Variants in PSMG2 observed in about 807,000 individuals in gnomAD.
PSMG2 encodes CD40 ligand-activated specific transcript 3.
A neutral mutation model predicts 31.5 loss-of-function variants in PSMG2; 21 were observed. The observed-to-expected ratio is 0.67, with a 90% CI of 0.47 to 0.96. The LOEUF is 0.96. Ranked by LOEUF, PSMG2 falls within the 40% of genes least tolerant of loss-of-function variation. The pLI is 0.00. For missense variants in PSMG2, 318 were observed against 321.2 expected, an observed-to-expected ratio of 0.99 and a Z score of 0.08; for synonymous variants, 120 against 110.4, an observed-to-expected ratio of 1.09 and a Z score of -0.54.
At chr18:12,695,887 A>ACACACACAC (rs1568030597) in intron 1 of PSMG2, among the ~76,000 whole-genome samples, 15 of 132,724 alleles carry the variant, frequency 1.1e-4, no homozygotes, top group African/African-American at 4.3e-4. Flanking sequence ...CACACACACT[A>ACACACACAC]AAAATTAGAA....
chr18:12,678,727 A>AG (rs1426138874), intron 1 of PSMG2, among the ~76,000 whole-genome samples: 1 of 149,374 alleles, frequency 6.7e-6, no homozygotes, highest in East Asian at 1.9e-4. Flanking sequence ...AGGCCGAGGC[A>AG]GGGGGATCAC....
intron 1 of PSMG2, chr18:12,691,619 C>A: frequency 1.7e-6 from 1 of 585,672 alleles, no homozygotes; most frequent in East Asian, 3.0e-5. Context: ...CTATAAGAGC[C>A]TCCTGACTTC....
chr18:12,678,588 A>G, intron 1 of PSMG2: 2 of 588,702 alleles, frequency 3.4e-6, no homozygotes, highest in Non-Finnish European at 5.8e-6. Flanking sequence ...TATTTCCACA[A>G]TTTGATTACT....
At chr18:12,680,941 G>T in intron 1 of PSMG2, 1 of 987,622 alleles carries the variant, frequency 1.0e-6, no homozygotes, top group Non-Finnish European at 1.4e-6. Flanking sequence ...GCTCACGCCT[G>T]TAATCCCAAC....
chr18:12,697,494 A>T, intron 1 of PSMG2: 1 of 923,222 alleles, frequency 1.1e-6, no homozygotes, highest in Non-Finnish European at 1.6e-6. Flanking sequence ...AACAGTAAAT[A>T]ATAAGCTTAT....
At chr18:12,705,388 G>A (rs2040254386) in intron 1 of PSMG2, among the ~76,000 whole-genome samples, 1 of 151,978 alleles carries the variant, frequency 6.6e-6, no homozygotes, top group South Asian at 2.1e-4. Flanking sequence ...ACAAAATATG[G>A]GGAAAAATTT....
In PSMG2 at chr18:12,664,242, A is replaced by AT. The variant is rs760485189; in HGVS notation, c.-37+5475dup. On this transcript the variant is annotated intron_variant, in intron 1 of 6. Coordinates refer to the PSMG2 transcript ENST00000585331. ...AGGGATGTGCCACCACACCCCGCTA[A>AT]TTTTTTAAAACTTTTTGTAGGCCGG... 4.5e-4 allele frequency among the ~76,000 whole-genome samples: 68 copies of AT among 152,142 alleles called. 1 individual carries two copies. Among genetic ancestry groups the AT allele is most frequent in the Non-Finnish European group, 4.9e-4 (33 of 67,998 alleles).
chr18:12,692,571 AC>A (rs377706413), intron 1 of PSMG2, among the ~76,000 whole-genome samples: 10 of 152,124 alleles, frequency 6.6e-5, no homozygotes, highest in African/African-American at 2.4e-4. Flanking sequence ...CTCTTTCCCT[AC>A]CTTAGTCACT....
At chr18:12,667,218 T>C (rs1294009950) in intron 1 of PSMG2, among the ~76,000 whole-genome samples, 1 of 152,222 alleles carries the variant, frequency 6.6e-6, no homozygotes, top group Non-Finnish European at 1.5e-5. Context: ...CCCAACACTT[T>C]GGGAGGCTGA....
chr18:12,677,532 C>T (rs1044915561), intron 1 of PSMG2, among the ~76,000 whole-genome samples: 1 of 148,774 alleles, frequency 6.7e-6, no homozygotes, highest in Non-Finnish European at 1.5e-5. Context: ...TAAAGCCAGA[C>T]GTCTACCCAG....
chr18:12,686,464 G>A (rs7239380), intron 1 of PSMG2: 1 of 1,572,212 alleles, frequency 6.4e-7, no homozygotes, highest in South Asian at 1.1e-5. Flanking sequence ...GGGAAAAGGG[G>A]AAAAACATCT....
chr18:12,693,439 T>A (rs2039837739), intron 1 of PSMG2, among the ~76,000 whole-genome samples: 1 of 150,942 alleles, frequency 6.6e-6, no homozygotes, highest in Non-Finnish European at 1.5e-5. Flanking sequence ...AAAATTTAAT[T>A]AAAAAAAACA....
intron 1 of PSMG2, among the ~76,000 whole-genome samples, chr18:12,668,597 CAAAAAAAAAAAAA>C (rs752216074): frequency 7.8e-4 from 57 of 72,826 alleles, no homozygotes; most frequent in East Asian, 2.7e-3. Context: ...GATTCCATCT[CAAAAAAAAAAAAA>C]AAAAAAAAAA....
intron 1 of PSMG2, chr18:12,680,715 C>T: frequency 6.2e-7 from 1 of 1,613,614 alleles, no homozygotes; most frequent in Non-Finnish European, 8.5e-7. Flanking sequence ...TTCCACAAGT[C>T]ATAACCCATG....
At chr18:12,719,715 C>CTT (rs535226724) in intron 4 of PSMG2, among the ~76,000 whole-genome samples, 4 of 110,836 alleles carry the variant, frequency 3.6e-5, no homozygotes, top group African/African-American at 1.0e-4. Context: ...TTTTTTTCCT[C>CTT]TTTTTTTTTT....
At chr18:12,719,822 C>T (rs934750701) in intron 4 of PSMG2, among the ~76,000 whole-genome samples, 1 of 145,088 alleles carries the variant, frequency 6.9e-6, no homozygotes, top group Admixed American at 7.0e-5. Context: ...CTCCTGGGTT[C>T]AAGCGGTTCT....
intron 1 of PSMG2, among the ~76,000 whole-genome samples, chr18:12,677,333 G>A (rs1447636789): frequency 1.3e-5 from 2 of 151,950 alleles, no homozygotes; most frequent in African/African-American, 2.4e-5. Context: ...AGTTATTCAG[G>A]AGGCTGAGGC....
At chr18:12,710,335 G>A (rs2040316887) in intron 2 of PSMG2, among the ~76,000 whole-genome samples, 1 of 152,188 alleles carries the variant, frequency 6.6e-6, no homozygotes, top group African/African-American at 2.4e-5. Context: ...TCATGTTGCT[G>A]TGATAGGGGC....
At chr18:12,689,545 T>G (rs1034507809) in intron 1 of PSMG2, among the ~76,000 whole-genome samples, 2 of 152,158 alleles carry the variant, frequency 1.3e-5, no homozygotes, top group African/African-American at 4.8e-5. Context: ...ATGGTTCAAA[T>G]CTTAAAATGA....
Sources: allele counts gnomAD v4.1 joint callset (sites outside exome capture counted in the v4.1 genomes callset), GRCh38; gene constraint gnomAD v4.1.1; transcripts MANE v1.5; gene names NCBI Gene and HGNC (gene_info 2026-07-23, HGNC 2026-07-21).